PLBD1: variants seen among roughly 807,000 people sequenced by gnomAD.
The protein encoded by PLBD1 is phospholipase B domain containing 1.
Under a neutral mutation model 63.0 loss-of-function variants are expected in PLBD1, and 60 were observed. That is an observed-to-expected ratio of 0.95 (90% CI 0.77 to 1.18). The LOEUF (loss-of-function observed/expected upper bound fraction) is 1.18, where lower values mean the gene tolerates loss of function less well. Among genes scored for constraint, PLBD1 ranks in the 50% most tolerant of loss-of-function variants. The pLI is 0.00. For synonymous variants in PLBD1, 262 were observed against 248.0 expected, an observed-to-expected ratio of 1.06 and a Z score of -0.53; for missense variants, 598 against 677.9, an observed-to-expected ratio of 0.88 and a Z score of 1.31.
intron 1 of PLBD1, among the ~76,000 whole-genome samples, chr12:14,566,846 A>C (rs1945789565): frequency 6.6e-6 from 1 of 151,456 alleles, no homozygotes; most frequent in South Asian, 2.1e-4. Flanking sequence ...CTGTAATCCC[A>C]GCACTTTGGG....
chr12:14,566,368 T>C (rs771899457), intron 1 of PLBD1, among the ~76,000 whole-genome samples: 7 of 152,160 alleles, frequency 4.6e-5, no homozygotes, highest in Non-Finnish European at 8.8e-5. Context: ...GAAGGTAGTG[T>C]AATAAGAATC....
At position 14,547,874 on chromosome 12, in the gene PLBD1, G is replaced by A. The variant is rs559808207; in HGVS notation, c.335+5319C>T. On this transcript the variant is annotated intron_variant, in intron 2 of 10. Transcript: ENST00000240617. Reference sequence around the variant, plus strand: ...ATTTGTCTGTGGTAGCGGGGCATGTGCATGCAAACTCTGGGGCTAGATAGC... The same window carrying A: ...ATTTGTCTGTGGTAGCGGGGCATGTACATGCAAACTCTGGGGCTAGATAGC... 3.9e-5 allele frequency among the ~76,000 whole-genome samples: 6 copies of A among 152,254 alleles called. No homozygotes were observed. In the East Asian group the frequency reaches 1.2e-3, roughly 29 times the overall value.
intron 4 of PLBD1, among the ~76,000 whole-genome samples, chr12:14,537,044 G>A (rs1008865191): frequency 2.2e-5 from 3 of 139,142 alleles, no homozygotes; most frequent in Non-Finnish European, 3.0e-5. Flanking sequence ...AGCCAAGATC[G>A]CACCACAGCA....
At chr12:14,559,165 T>A (rs926477043) in intron 1 of PLBD1, among the ~76,000 whole-genome samples, 1 of 152,214 alleles carries the variant, frequency 6.6e-6, no homozygotes. Context: ...AGTGAAAAGG[T>A]AGAAAAATAG....
At chr12:14,506,533 C>T (rs2136902589) in intron 9 of PLBD1, among the ~76,000 whole-genome samples, 1 of 152,316 alleles carries the variant, frequency 6.6e-6, no homozygotes, top group Non-Finnish European at 1.5e-5. Flanking sequence ...CGTCCATCAG[C>T]TGTTTCCAAC....
At chr12:14,515,310 T>C (rs1945329215) in intron 6 of PLBD1, among the ~76,000 whole-genome samples, 1 of 152,076 alleles carries the variant, frequency 6.6e-6, no homozygotes, top group African/African-American at 2.4e-5. Context: ...CATCCTGATT[T>C]AGGTGGGGAA....
intron 1 of PLBD1, chr12:14,553,858 C>T (rs913188299): frequency 5.5e-6 from 1 of 182,544 alleles, no homozygotes; most frequent in Non-Finnish European, 1.2e-5. Context: ...AGGAGGGACG[C>T]ACATGGAGCA....
chr12:14,560,125 G>T (rs1945734832), intron 1 of PLBD1, among the ~76,000 whole-genome samples: 1 of 152,166 alleles, frequency 6.6e-6, no homozygotes, highest in Non-Finnish European at 1.5e-5. Context: ...CTCCCAAAGT[G>T]CTGGGATTAC....
intron 3 of PLBD1, 30 bp from the exon 4 acceptor site, chr12:14,540,932 T>C (rs1449436762): frequency 2.6e-6 from 4 of 1,562,362 alleles, no homozygotes; most frequent in Non-Finnish European, 3.5e-6. Context: ...TGCACCACAG[T>C]CTCAATAGTT....
chr12:14,530,426 C>T (rs1945450190), intron 6 of PLBD1, among the ~76,000 whole-genome samples: 1 of 152,116 alleles, frequency 6.6e-6, no homozygotes, highest in South Asian at 2.1e-4. Context: ...TTTTTAGCCA[C>T]TAATGTTTGG....
intron 4 of PLBD1, among the ~76,000 whole-genome samples, chr12:14,539,684 G>C (rs994917849): frequency 6.6e-6 from 1 of 151,210 alleles, no homozygotes; most frequent in African/African-American, 2.4e-5. Context: ...TACTCGGGAG[G>C]ATGAGGCAGG....
intron 6 of PLBD1, among the ~76,000 whole-genome samples, chr12:14,535,294 C>T (rs7136164): frequency 6.6e-6 from 1 of 152,146 alleles, no homozygotes; most frequent in African/African-American, 2.4e-5. Context: ...AAACACTACA[C>T]GCCCTCAAGG....
chr12:14,562,908 T>C (rs1945752502), intron 1 of PLBD1, among the ~76,000 whole-genome samples: 1 of 152,154 alleles, frequency 6.6e-6, no homozygotes, highest in South Asian at 2.1e-4. Flanking sequence ...TCTAAAGAAG[T>C]ATGAAAACAA....
intron 6 of PLBD1, among the ~76,000 whole-genome samples, chr12:14,523,530 G>A (rs978391586): frequency 6.6e-6 from 1 of 152,170 alleles, no homozygotes; most frequent in Non-Finnish European, 1.5e-5. Flanking sequence ...AAGCAATCTT[G>A]AGCAAAAAGA....
intron 1 of PLBD1, among the ~76,000 whole-genome samples, chr12:14,566,850 C>A (rs904497642): frequency 1.7e-4 from 25 of 150,286 alleles, no homozygotes; most frequent in African/African-American, 6.1e-4. Context: ...AATCCCAGCA[C>A]TTTGGGAGGC....
At chr12:14,534,645 G>A (rs1396625070) in intron 6 of PLBD1, among the ~76,000 whole-genome samples, 4 of 150,808 alleles carry the variant, frequency 2.7e-5, no homozygotes, top group Admixed American at 6.6e-5. Context: ...CCGGGTTCAC[G>A]CCATTCTCTC....
chr12:14,567,628 CA>C lies in PLBD1; in HGVS notation c.68del (p.Leu23ArgfsTer7), dbSNP rs1945804803. 3 of 1,492,870 alleles carry C rather than the reference CA, an allele frequency of 2.0e-6. No homozygotes were observed. Among genetic ancestry groups the C allele is most frequent in the African/African-American group, 1.5e-5 (1 of 68,916 alleles). The allele number at this position is 1,492,870 out of a possible 1,614,324, so 92.5% of individuals were successfully genotyped here. The part of the protein sequence containing the change: ...PQPPPLLLLL[L>X]LLPLLLVTAE... ...CGGTGACTAACAACAGCGGCAGCAGCAGCAGCAGCAGCAGAAGCGGTGGCGG... is the reference window on the plus strand; with the variant it reads ...CGGTGACTAACAACAGCGGCAGCAGCGCAGCAGCAGCAGAAGCGGTGGCGG... On this transcript the variant is annotated frameshift_variant, in exon 1 of 11. Transcript: ENST00000240617. LOFTEE classifies it high-confidence loss of function.
rs539433570 is a variant in PLBD1 at position 14,517,640 on chromosome 12, C to A, written c.845-5929G>T. Among the ~76,000 whole-genome samples, 256 of 152,286 alleles carry A rather than the reference C, an allele frequency of 1.7e-3. 2 individuals carry two copies. The highest frequency in any genetic ancestry group is 5.9e-3 in the African/African-American group (246 of 41,552). On this transcript the variant is annotated intron_variant, in intron 6 of 10. Transcript: ENST00000240617. ...TTTAAAAATGCAGACAAAATACCCT[C>A]CTTGAGGCTTTTTATGGAAGGCAGA...
At chr12:14,538,971 G>A (rs910361175) in intron 4 of PLBD1, among the ~76,000 whole-genome samples, 1 of 152,114 alleles carries the variant, frequency 6.6e-6, no homozygotes, top group African/African-American at 2.4e-5. Flanking sequence ...GGTTGCAGCT[G>A]AGATCAACCA....
Sources: gnomAD v4.1 joint callset for allele counts (sites outside exome capture counted in the v4.1 genomes callset) on GRCh38, gnomAD v4.1.1 for gene constraint, MANE v1.5 for transcripts, NCBI Gene and HGNC (gene_info 2026-07-23, HGNC 2026-07-21) for gene names.